IL1RAPL2: variants seen among roughly 807,000 people sequenced by gnomAD.
IL1RAPL2 encodes X-linked interleukin-1 receptor accessory protein-like 2.
Under a neutral mutation model 44.1 loss-of-function variants are expected in IL1RAPL2, and 3 were observed. That is an observed-to-expected ratio of 0.07 (90% CI 0.03 to 0.18). The LOEUF is 0.18. IL1RAPL2 is among the 10% of genes least tolerant of loss of function. The pLI, the probability that IL1RAPL2 is intolerant of heterozygous loss-of-function variation, is 1.00. For synonymous variants in IL1RAPL2, 181 were observed against 178.8 expected (o/e 1.01, Z -0.10); for missense variants, 391 against 496.4 (o/e 0.79, Z 2.02).
rs772757942 is a variant in IL1RAPL2 at position 104,658,973 on chromosome X, G to C, written c.60G>C (p.Lys20Asn). The change falls in exon 2 of 11, where the codon AAG (lysine) becomes AAC (asparagine). Residue 20 changes from lysine (K) to asparagine (N), a missense_variant. By Grantham distance (94) the Lys-to-Asn change is moderately conservative (BLOSUM62 0). Transcript: ENST00000372582. ...GTTCTGTAGTCAGCACAAATCTGAA[G>C]ATGGTGTCAAAGAGAAATTCTGGTA... ...VVCSVVSTNL[K>N]MVSKRNSVDG... 8.3e-7 allele frequency: 1 copy of C among 1,205,107 alleles called. No individual in the cohort carries two copies. Among genetic ancestry groups the C allele is most frequent in the South Asian group, 1.8e-5 (1 of 56,167 alleles).
At chrX:105,267,285 C>T (rs1284670828) in intron 4 of IL1RAPL2, 103 bp from the exon 5 acceptor site, 5 of 726,260 alleles carry the variant, frequency 6.9e-6, no homozygotes, top group Admixed American at 3.3e-5. Flanking sequence ...ATTTTGAAAA[C>T]GAAAGAGAAT....
chrX:104,827,879 C>G (rs1921498389), intron 2 of IL1RAPL2, among the ~76,000 whole-genome samples: 1 of 107,470 alleles, frequency 9.3e-6, no homozygotes, highest in African/African-American at 3.4e-5. Context: ...TTAAGTTGAT[C>G]TTCAATCTCT....
At chrX:105,695,172 T>A (rs192451094) in intron 6 of IL1RAPL2, among the ~76,000 whole-genome samples, 91 of 112,258 alleles carry the variant, frequency 8.1e-4, no homozygotes, top group Non-Finnish European at 1.5e-3. Flanking sequence ...TTCTAAATGA[T>A]CCTACTTTGA....
chrX:104,942,773 A>T (rs1328188396), intron 2 of IL1RAPL2, among the ~76,000 whole-genome samples: 2 of 111,498 alleles, frequency 1.8e-5, no homozygotes, highest in African/African-American at 6.5e-5. Context: ...GTCTTGTGGC[A>T]GTTTTCAAAG....
intron 6 of IL1RAPL2, among the ~76,000 whole-genome samples, chrX:105,642,028 G>A (rs971475085): frequency 5.4e-5 from 6 of 110,810 alleles, no homozygotes; most frequent in Non-Finnish European, 7.6e-5. Flanking sequence ...TTCCCTCACG[G>A]TATTCACTGA....
At chrX:105,337,867 GGAGA>G (rs1225089112) in intron 5 of IL1RAPL2, among the ~76,000 whole-genome samples, 3 of 103,653 alleles carry the variant, frequency 2.9e-5, no homozygotes, top group Non-Finnish European at 5.7e-5. Flanking sequence ...CTCCAGACTG[GGAGA>G]GAGAGTGAGA....
At chrX:105,741,850 C>A (rs976031912) in intron 8 of IL1RAPL2, among the ~76,000 whole-genome samples, 1 of 111,374 alleles carries the variant, frequency 9.0e-6, no homozygotes. Context: ...ATTAATAATA[C>A]CTACCTTGCA....
chrX:105,052,431 A>G (rs60798736), intron 2 of IL1RAPL2, among the ~76,000 whole-genome samples: 7,324 of 111,591 alleles, frequency 0.066, 663 homozygotes, highest in African/African-American at 0.23. Flanking sequence ...TTCTGTTATA[A>G]TGGAACACAA....
chrX:105,059,762 C>A (rs372817669), intron 2 of IL1RAPL2, among the ~76,000 whole-genome samples: 13 of 111,703 alleles, frequency 1.2e-4, no homozygotes, highest in East Asian at 5.6e-4. Context: ...AACTCCTGAC[C>A]TCAAGTGATC....
chrX:105,666,754 A>G (rs1040501402), intron 6 of IL1RAPL2, among the ~76,000 whole-genome samples: 2 of 111,654 alleles, frequency 1.8e-5, no homozygotes, highest in Admixed American at 9.5e-5. Context: ...TTATAGTCCT[A>G]TCTTATCCAT....
At chrX:105,079,018 C>T (rs997258561) in intron 2 of IL1RAPL2, among the ~76,000 whole-genome samples, 1 of 112,330 alleles carries the variant, frequency 8.9e-6, no homozygotes, top group Non-Finnish European at 1.9e-5. Context: ...GGCTCACACA[C>T]AGTGCACTGC....
chrX:105,364,125 G>A (rs771701799), intron 5 of IL1RAPL2, among the ~76,000 whole-genome samples: 56 of 110,960 alleles, frequency 5.0e-4, no homozygotes, highest in Non-Finnish European at 8.7e-4. Flanking sequence ...GTCCAATTTC[G>A]TTCTTCTACC....
intron 2 of IL1RAPL2, among the ~76,000 whole-genome samples, chrX:105,109,746 T>G (rs932418561): frequency 8.9e-6 from 1 of 112,290 alleles, no homozygotes; most frequent in Admixed American, 9.4e-5. Flanking sequence ...TGTGTGAATT[T>G]TACATATGTG....
At chrX:104,927,773 A>G (rs368870959) in intron 2 of IL1RAPL2, among the ~76,000 whole-genome samples, 5 of 111,897 alleles carry the variant, frequency 4.5e-5, no homozygotes, top group East Asian at 2.8e-4. Context: ...CTTAGAATAC[A>G]ATGCATTTTG....
chrX:104,907,817 G>C (rs1218173498), intron 2 of IL1RAPL2, among the ~76,000 whole-genome samples: 1 of 110,854 alleles, frequency 9.0e-6, no homozygotes, highest in Non-Finnish European at 1.9e-5. Flanking sequence ...TTTCTGTTAT[G>C]TCTGCTTGGT....
chrX:105,122,136 G>T (rs2147572829), intron 2 of IL1RAPL2, among the ~76,000 whole-genome samples: 1 of 111,577 alleles, frequency 9.0e-6, no homozygotes, highest in South Asian at 3.7e-4. Flanking sequence ...GGTCCCTGGA[G>T]TGTCTCTATT....
intron 2 of IL1RAPL2, among the ~76,000 whole-genome samples, chrX:105,112,730 C>T (rs953441757): frequency 8.9e-6 from 1 of 112,878 alleles, no homozygotes; most frequent in Non-Finnish European, 1.9e-5. Context: ...TGGGTCAAGT[C>T]GGCCATCCTC....
chrX:105,033,752 T>C (rs1051089009), intron 2 of IL1RAPL2, among the ~76,000 whole-genome samples: 3 of 111,506 alleles, frequency 2.7e-5, no homozygotes, highest in Non-Finnish European at 5.6e-5. Context: ...CTGTATTTCC[T>C]GAATCTGAAT....
chrX:105,262,145 T>C (rs2034364704), intron 4 of IL1RAPL2, among the ~76,000 whole-genome samples: 1 of 112,110 alleles, frequency 8.9e-6, no homozygotes, highest in Admixed American at 9.5e-5. Flanking sequence ...CTCCAGTTTT[T>C]GGGGTAGTAG....
Sources: allele counts gnomAD v4.1 joint callset (sites outside exome capture counted in the v4.1 genomes callset), GRCh38; gene constraint gnomAD v4.1.1; transcripts MANE v1.5; gene names NCBI Gene and HGNC (gene_info 2026-07-23, HGNC 2026-07-21).